The following CNTNAP5 variants were observed in gnomAD, a reference collection of about 807,000 sequenced individuals.
The protein encoded by CNTNAP5 is contactin-associated protein-like 5.
A neutral mutation model predicts 150.2 loss-of-function variants in CNTNAP5; 72 were observed. The observed-to-expected ratio is 0.48, with a 90% CI of 0.40 to 0.58. The LOEUF is 0.58. Among genes scored for constraint, CNTNAP5 ranks in the 20% least tolerant of loss-of-function variants. The pLI is 0.00. For missense variants in CNTNAP5, 1,636 were observed against 1,626.2 expected (o/e 1.01, Z -0.10); for synonymous variants, 672 against 619.8 (o/e 1.08, Z -1.25).
At chr2:124,147,795 G>T (rs1684291549) in intron 1 of CNTNAP5, among the ~76,000 whole-genome samples, 2 of 152,144 alleles carry the variant, frequency 1.3e-5, no homozygotes, top group East Asian at 3.9e-4. Flanking sequence ...TTGGGCTCGG[G>T]CACCCTTCAG....
intron 4 of CNTNAP5, among the ~76,000 whole-genome samples, chr2:124,427,550 G>A (rs1027366712): frequency 1.3e-5 from 2 of 151,870 alleles, no homozygotes; most frequent in Non-Finnish European, 1.5e-5. Flanking sequence ...TCTGCCTCCC[G>A]GGTTCAAGCA....
chr2:124,576,830 T>A (rs1241633561), intron 11 of CNTNAP5, among the ~76,000 whole-genome samples: 2 of 152,000 alleles, frequency 1.3e-5, no homozygotes, highest in Non-Finnish European at 1.5e-5. Flanking sequence ...ATGCTTAGAG[T>A]GGTGGATGCA....
At chr2:124,155,073 C>T (rs1684490907) in intron 1 of CNTNAP5, among the ~76,000 whole-genome samples, 1 of 122,756 alleles carries the variant, frequency 8.1e-6, no homozygotes, top group African/African-American at 3.1e-5. Context: ...CAAACCATTC[C>T]CGTTTTTTTT....
chr2:124,276,707 G>A (rs1687891092), intron 3 of CNTNAP5, among the ~76,000 whole-genome samples: 1 of 152,016 alleles, frequency 6.6e-6, no homozygotes, highest in Middle Eastern at 3.2e-3. Flanking sequence ...ATCATTCTCT[G>A]GGCTGGTCAG....
intron 3 of CNTNAP5, among the ~76,000 whole-genome samples, chr2:124,349,421 A>G (rs1689819583): frequency 6.6e-6 from 1 of 152,198 alleles, no homozygotes; most frequent in Non-Finnish European, 1.5e-5. Flanking sequence ...TATGTAGTGC[A>G]TGACTGTATT....
chr2:124,811,245 TAAC>T (rs1423453245), intron 19 of CNTNAP5, among the ~76,000 whole-genome samples: 1 of 151,956 alleles, frequency 6.6e-6, no homozygotes, highest in African/African-American at 2.4e-5. Flanking sequence ...AATCAAGAAA[TAAC>T]AACATATTTA....
At chr2:124,361,562 C>G (rs1345076785) in intron 3 of CNTNAP5, among the ~76,000 whole-genome samples, 1 of 144,846 alleles carries the variant, frequency 6.9e-6, no homozygotes, top group African/African-American at 2.6e-5. Flanking sequence ...GTTGGAATAC[C>G]CTGCCTTGTG....
In CNTNAP5 at chr2:124,116,781, A is replaced by C. The variant is rs574444779; in HGVS notation, c.82+91049A>C. Reference sequence around the variant, plus strand: ...AAAGGAGTGGACATCCTTCATGAGGAAGATCCTCTGTGACATTCCTCCTAC... The same window carrying C: ...AAAGGAGTGGACATCCTTCATGAGGCAGATCCTCTGTGACATTCCTCCTAC... On this transcript the variant is annotated intron_variant, in intron 1 of 23. Coordinates refer to ENST00000682447, the MANE Select transcript of CNTNAP5 (RefSeq NM_001367498.1). 2.0e-5 allele frequency among the ~76,000 whole-genome samples: 3 copies of C among 152,328 alleles called. No individual in the cohort carries two copies. In the South Asian group the frequency reaches 6.2e-4, roughly 32 times the overall value.
intron 21 of CNTNAP5, among the ~76,000 whole-genome samples, chr2:124,874,552 T>G (rs908762059): frequency 2.0e-5 from 3 of 152,062 alleles, no homozygotes; most frequent in Non-Finnish European, 2.9e-5. Context: ...TGTTGTCCCC[T>G]TCTTTACTCT....
At chr2:124,316,703 G>A (rs540803349) in intron 3 of CNTNAP5, among the ~76,000 whole-genome samples, 13 of 149,928 alleles carry the variant, frequency 8.7e-5, no homozygotes, top group African/African-American at 3.2e-4. Context: ...TACTCTGGAC[G>A]CTGAGGCAGA....
At chr2:124,775,499 C>T (rs1255153340) in intron 17 of CNTNAP5, among the ~76,000 whole-genome samples, 1 of 152,136 alleles carries the variant, frequency 6.6e-6, no homozygotes, top group African/African-American at 2.4e-5. Flanking sequence ...CAAAATGGAG[C>T]ATCCTTCAGC....
At chr2:124,116,393 G>A (rs1683429668) in intron 1 of CNTNAP5, among the ~76,000 whole-genome samples, 1 of 152,206 alleles carries the variant, frequency 6.6e-6, no homozygotes, top group Non-Finnish European at 1.5e-5. Flanking sequence ...ACTCTCTTCT[G>A]TGCAATTATT....
At chr2:124,888,950 TA>T (rs1460982348) in intron 21 of CNTNAP5, among the ~76,000 whole-genome samples, 2 of 152,048 alleles carry the variant, frequency 1.3e-5, no homozygotes, top group Non-Finnish European at 2.9e-5. Flanking sequence ...TTAATTGGGT[TA>T]CATTTGTCAA....
chr2:124,445,199 C>T lies in CNTNAP5; in HGVS notation c.734-1554C>T, dbSNP rs1291940145. Among the ~76,000 whole-genome samples the T allele has an allele frequency of 5.9e-5, 9 of 151,770 alleles. No individual in the cohort carries two copies. The East Asian group carries it at 1.7e-3, about 29-fold the overall frequency. Reference sequence around the variant, plus strand: ...CCGCCTCCCAGGTTCAAGCAATTCTCCTGCCTGAGCCTCCCAAGTAGCTGG... The same window carrying T: ...CCGCCTCCCAGGTTCAAGCAATTCTTCTGCCTGAGCCTCCCAAGTAGCTGG... On this transcript the variant is annotated intron_variant, in intron 5 of 23. Coordinates refer to ENST00000682447, the MANE Select transcript of CNTNAP5 (RefSeq NM_001367498.1).
At chr2:124,787,649 C>T (rs1356903925) in intron 17 of CNTNAP5, among the ~76,000 whole-genome samples, 1 of 151,686 alleles carries the variant, frequency 6.6e-6, no homozygotes, top group Non-Finnish European at 1.5e-5. Flanking sequence ...TGCCCCATGT[C>T]CCCCTCACAT....
At chr2:124,237,895 A>G (rs1686792302) in intron 2 of CNTNAP5, among the ~76,000 whole-genome samples, 1 of 152,160 alleles carries the variant, frequency 6.6e-6, no homozygotes, top group Admixed American at 6.5e-5. Context: ...AGAATTCTCC[A>G]TACAAGTCTA....
At chr2:124,826,888 C>T (rs1193164671) in intron 19 of CNTNAP5, among the ~76,000 whole-genome samples, 1 of 152,084 alleles carries the variant, frequency 6.6e-6, no homozygotes, top group Non-Finnish European at 1.5e-5. Flanking sequence ...GGCTGGTTGT[C>T]AATAAGTAAG....
At chr2:124,110,154 T>G (rs1407230431) in intron 1 of CNTNAP5, among the ~76,000 whole-genome samples, 1 of 152,238 alleles carries the variant, frequency 6.6e-6, no homozygotes, top group Non-Finnish European at 1.5e-5. Flanking sequence ...GTTGTGATTC[T>G]TTTGCTGTGA....
chr2:124,190,886 C>T (rs1406662), intron 1 of CNTNAP5, among the ~76,000 whole-genome samples: 112,357 of 152,092 alleles, frequency 0.74, 41,647 homozygotes, highest in East Asian at 0.85. Context: ...ATATAAACTA[C>T]TGACTATGTG....
Sources: gnomAD v4.1 joint callset for allele counts (sites outside exome capture counted in the v4.1 genomes callset) on GRCh38, gnomAD v4.1.1 for gene constraint, MANE v1.5 for transcripts, NCBI Gene and HGNC (gene_info 2026-07-23, HGNC 2026-07-21) for gene names.